GNAS: variants seen among roughly 807,000 people sequenced by gnomAD.
The protein encoded by GNAS is protein ALEX.
GNAS carries 8 observed loss-of-function variants against 54.5 expected under a neutral mutation model. The ratio of observed to expected loss-of-function variants is 0.15; its 90% confidence interval spans 0.09 to 0.26. The LOEUF (loss-of-function observed/expected upper bound fraction) is 0.26. GNAS is among the 10% of genes least tolerant of loss of function. The probability of loss-of-function intolerance (pLI) is 1.00; values close to 1 mark genes in which losing one functional copy is unlikely to be tolerated. For missense variants in GNAS, 170 were observed against 529.8 expected, an observed-to-expected ratio of 0.32 and a Z score of 6.67; for synonymous variants, 204 against 191.4, an observed-to-expected ratio of 1.07 and a Z score of -0.54.
At position 58,895,695 on chromosome 20, in the gene GNAS, A is replaced by G. The variant is rs751794179; in HGVS notation, c.212+11A>G. On this transcript the variant is annotated intron_variant, in intron 2 of 12. Transcript: ENST00000371085. ...TGGGTTTAATGGAGAGTAAGTGTCA[A>G]ATCTGTGCAGGGGGGCACCAAGTAA... 6.7e-7 allele frequency: 1 copy of G among 1,485,986 alleles called. No individual in the cohort carries two copies. The highest frequency in any genetic ancestry group is 9.4e-7 in the Non-Finnish European group (1 of 1,062,548). The allele number at this position is 1,485,986 out of a possible 1,614,324, so 92.1% of individuals were successfully genotyped here.
At chr20:58,866,457 G>A (rs1351883726) in intron 1 of GNAS, among the ~76,000 whole-genome samples, 4 of 152,146 alleles carry the variant, frequency 2.6e-5, no homozygotes, top group African/African-American at 7.2e-5. Flanking sequence ...TCCATCCTAG[G>A]GCAGACTCTG....
At chr20:58,875,846 ATACGGTTGCTT>A (rs2087777039) in intron 1 of GNAS, among the ~76,000 whole-genome samples, 1 of 152,200 alleles carries the variant, frequency 6.6e-6, no homozygotes, top group Non-Finnish European at 1.5e-5. Flanking sequence ...CTTGAGTACT[ATACGGTTGCTT>A]TACTTTCTTT....
At chr20:58,895,550 C>G in intron 1 of GNAS, 62 bp from the exon 2 acceptor site, 1 of 976,378 alleles carries the variant, frequency 1.0e-6, no homozygotes, top group Non-Finnish European at 1.7e-6. Context: ...CAACAGCAGA[C>G]CTCCCTGCCC....
At chr20:58,860,561 T>A (rs1043257815) in intron 1 of GNAS, among the ~76,000 whole-genome samples, 3 of 152,196 alleles carry the variant, frequency 2.0e-5, no homozygotes, top group African/African-American at 7.2e-5. Flanking sequence ...GATTTTTTTT[T>A]AAAAGTATGC....
rs936860499 is a variant in GNAS, at chr20:58,903,839, A to T, written c.432+48A>T. 4 of 1,609,474 alleles carry T rather than the reference A, an allele frequency of 2.5e-6. No homozygotes were observed. The African/African-American group carries it at 5.3e-5, about 22-fold the overall frequency. On this transcript the variant is annotated intron_variant, in intron 5 of 12. Coordinates refer to ENST00000371085, the MANE Select transcript of GNAS (RefSeq NM_000516.7). ...TGGCCTTAGCCCCGCCCACCTGAGC[A>T]CAGTGTCCATATAGGAACATGAGTG...
At chr20:58,868,678 A>G (rs984414245) in intron 1 of GNAS, among the ~76,000 whole-genome samples, 3 of 152,198 alleles carry the variant, frequency 2.0e-5, no homozygotes, top group Non-Finnish European at 4.4e-5. Context: ...GCAGCCTCCT[A>G]AGGAGTTCTC....
intron 1 of GNAS, among the ~76,000 whole-genome samples, chr20:58,882,235 A>AT (rs1194250028): frequency 6.6e-6 from 1 of 151,664 alleles, no homozygotes; most frequent in Non-Finnish European, 1.5e-5. Flanking sequence ...CGCCCGGCTA[A>AT]TTTTTTTGTA....
intron 1 of GNAS, among the ~76,000 whole-genome samples, chr20:58,866,894 G>A (rs1431284268): frequency 2.6e-5 from 4 of 151,924 alleles, no homozygotes; most frequent in African/African-American, 7.3e-5. Context: ...ACATGCAGGT[G>A]TATTTCAACA....
chr20:58,871,613 G>GAAAAAAAAAAAAAAAAAAAA (rs757702769), intron 1 of GNAS, among the ~76,000 whole-genome samples: 7 of 32,720 alleles, frequency 2.1e-4, no homozygotes, highest in African/African-American at 2.9e-4. Context: ...ATACTCCGTC[G>GAAAAAAAAAAAAAAAAAAAA]AAAAAAAAAA....
chr20:58,900,116 G>C, intron 3 of GNAS: 1 of 566,994 alleles, frequency 1.8e-6, no homozygotes, highest in Non-Finnish European at 3.2e-6. Context: ...CTTAAACGAT[G>C]ATTGAAAAAA....
rs2086549598 is a variant in GNAS, at chr20:58,857,008, C to T, written c.43+16122C>T. 6.6e-6 allele frequency: 1 copy of T among 151,554 alleles called. No individual in the cohort carries two copies. The allele number at this position is 151,554 out of a possible 1,614,324, so 9.4% of individuals were successfully genotyped here. On this transcript the variant is annotated intron_variant, in intron 1 of 12. Transcript: ENST00000306090. The surrounding 1 kb of genome is among the most constrained non-coding windows in gnomAD (Gnocchi z 4.1). The stretch of plus-strand genomic sequence containing the variant: ...CACATTTAAACAAAGCATCAATTAG[C>T]AATGGTCTGAATATGTGGTTTAAAT...
chr20:58,868,351 A>G (rs113235119), intron 1 of GNAS, among the ~76,000 whole-genome samples: 1 of 149,098 alleles, frequency 6.7e-6, no homozygotes, highest in Non-Finnish European at 1.5e-5. Flanking sequence ...ATGGGGTTTC[A>G]CCATGTTAGC....
chr20:58,890,668 C>G (rs982924181), upstream of GNAS: 4 of 151,774 alleles, frequency 2.6e-5, no homozygotes, highest in Non-Finnish European at 5.9e-5. Flanking sequence ...CGCGGGCGCT[C>G]CGGGGCCAGA....
chr20:58,909,146 TTTC>T lies in GNAS; in HGVS notation c.531-13_531-11del, dbSNP rs765618984. On this transcript the variant is annotated splice_polypyrimidine_tract_variant and intron_variant, in intron 6 of 12. Coordinates refer to ENST00000371085, the MANE Select transcript of GNAS (RefSeq NM_000516.7). This position sits in a 1 kb window ranked among gnomAD's most constrained non-coding sequence, Gnocchi z 7.3. ...GAGCGCTGTGAACACCCCACGTGTCTTTCTTTTTCTCCCAGCTTCCTGGACAAG... is the reference window on the plus strand; with the variant it reads ...GAGCGCTGTGAACACCCCACGTGTCTTTTTTCTCCCAGCTTCCTGGACAAG... 1.9e-6 allele frequency: 3 copies of T among 1,604,910 alleles called. No individual in the cohort carries two copies. Among genetic ancestry groups the T allele is most frequent in the East Asian group, 2.2e-5 (1 of 44,874 alleles).
At chr20:58,901,553 G>GT (rs1025889241) in intron 3 of GNAS, among the ~76,000 whole-genome samples, 1 of 151,840 alleles carries the variant, frequency 6.6e-6, no homozygotes, top group African/African-American at 2.4e-5. Flanking sequence ...GGCAACATCT[G>GT]TCCCCCCTCC....
chr20:58,840,122 C>G, upstream of GNAS: 1 of 1,611,306 alleles, frequency 6.2e-7, no homozygotes, highest in Non-Finnish European at 8.5e-7. The surrounding 1 kb of genome is among the most constrained non-coding windows in gnomAD (Gnocchi z 6.0). Context: ...TCGGAGGTCC[C>G]GGGCTCAGCA....
At chr20:58,889,095 G>A, upstream of GNAS, 2 of 1,076,964 alleles carry the variant, frequency 1.9e-6, no homozygotes, top group Non-Finnish European at 2.3e-6. Context: ...CGGTTTATAG[G>A]GGCCGCTGCT....
intron 1 of GNAS, among the ~76,000 whole-genome samples, chr20:58,869,149 T>A (rs1299069972): frequency 6.6e-6 from 1 of 152,228 alleles, no homozygotes; most frequent in African/African-American, 2.4e-5. Flanking sequence ...AACCTCCAGA[T>A]TCACCGCCCT....
At position 58,841,631 on chromosome 20, in the gene GNAS, G is replaced by C; in HGVS notation, c.43+745G>C. 2 of 1,082,864 alleles carry C rather than the reference G, an allele frequency of 1.8e-6. No individual in the cohort carries two copies. Among genetic ancestry groups the C allele is most frequent in the African/African-American group, 1.6e-5 (1 of 60,924 alleles). The allele number at this position is 1,082,864 out of a possible 1,614,324, so 67.1% of individuals were successfully genotyped here. A position where few individuals can be genotyped will look rare whatever the true frequency, so the allele number is the denominator to read the frequency against. On this transcript the variant is annotated intron_variant, in intron 1 of 12. Transcript: ENST00000306090. The surrounding 1 kb of genome is among the most constrained non-coding windows in gnomAD (Gnocchi z 5.0). ...GCACCTGCCCGCGCGCGCCGGAGCT[G>C]ACCTCTCCCGGCGGCGGGCGGTTAG...
Sources: gnomAD v4.1 joint callset for allele counts (sites outside exome capture counted in the v4.1 genomes callset) on GRCh38, gnomAD v4.1.1 for gene constraint, Gnocchi (gnomAD v3.1) non-coding constraint, MANE v1.5 for transcripts, NCBI Gene and HGNC (gene_info 2026-07-23, HGNC 2026-07-21) for gene names.